Variants in PTK2 observed in about 807,000 individuals in gnomAD.
The protein encoded by PTK2 is protein tyrosine kinase 2.
Under a neutral mutation model 150.1 loss-of-function variants are expected in PTK2, and 45 were observed. The ratio of observed to expected loss-of-function variants is 0.30; its 90% CI spans 0.24 to 0.38. The LOEUF is 0.38. PTK2 is among the 10% of genes least tolerant of loss of function. The pLI, the probability that PTK2 is intolerant of heterozygous loss-of-function variation, is 1.00. For missense variants in PTK2, 919 were observed against 1,307.3 expected (o/e 0.70, Z 4.58); for synonymous variants, 432 against 449.2 (o/e 0.96, Z 0.48).
chr8:140,949,012 G>C (rs2154609042), intron 1 of PTK2, among the ~76,000 whole-genome samples: 1 of 151,644 alleles, frequency 6.6e-6, no homozygotes, highest in African/African-American at 2.4e-5. Context: ...ACCCGAGACA[G>C]CAAGACCAAC....
chr8:140,785,825 T>C (rs147981609), intron 14 of PTK2, among the ~76,000 whole-genome samples: 3 of 152,346 alleles, frequency 2.0e-5, no homozygotes, highest in African/African-American at 7.2e-5. Flanking sequence ...AATGGAGAGA[T>C]AATAAATACC....
intron 7 of PTK2, among the ~76,000 whole-genome samples, chr8:140,836,300 A>G (rs1016014903): frequency 3.3e-5 from 5 of 152,144 alleles, no homozygotes; most frequent in African/African-American, 1.2e-4. Context: ...TGTTAAGTGA[A>G]GACTTACTGT....
Position 140,697,028 on chromosome 8 carries a change from G to GGAGGCT in PTK2, c.2499+3857_2499+3862dup, listed in dbSNP as rs539315861. 4.0e-3 allele frequency among the ~76,000 whole-genome samples: 604 copies of GGAGGCT among 151,428 alleles called. 5 individuals carry two copies. The highest frequency in any genetic ancestry group is 0.014 in the African/African-American group (582 of 41,310). ...GCGTGACTGTAGTCCCAGCTACTTGGGAGGCTGAGGTGGGAGGACAGATTG... is the reference window on the plus strand; with the variant it reads ...GCGTGACTGTAGTCCCAGCTACTTGGGAGGCTGAGGCTGAGGTGGGAGGACAGATTG... On this transcript the variant is annotated intron_variant, in intron 26 of 31. Coordinates refer to ENST00000522684, the Ensembl canonical transcript of PTK2.
chr8:140,725,566 A>G (rs1239252095), intron 22 of PTK2, among the ~76,000 whole-genome samples: 1 of 152,216 alleles, frequency 6.6e-6, no homozygotes, highest in Non-Finnish European at 1.5e-5. Context: ...ATGAGTTTGG[A>G]GCAATTATAG....
At chr8:140,852,056 T>A (rs2100129616) in intron 5 of PTK2, among the ~76,000 whole-genome samples, 1 of 152,132 alleles carries the variant, frequency 6.6e-6, no homozygotes, top group Non-Finnish European at 1.5e-5. Context: ...TTTCATGACA[T>A]CTTCTAATAA....
intron 2 of PTK2, among the ~76,000 whole-genome samples, chr8:140,923,482 C>A (rs2100168296): frequency 6.6e-6 from 1 of 152,188 alleles, no homozygotes; most frequent in South Asian, 2.1e-4. Flanking sequence ...CAAAATGAGG[C>A]AAGTACTGGC....
At chr8:140,991,509 A>G (rs2100195683) in intron 1 of PTK2, among the ~76,000 whole-genome samples, 1 of 152,248 alleles carries the variant, frequency 6.6e-6, no homozygotes, top group African/African-American at 2.4e-5. Context: ...GATCTTTCCA[A>G]GATTTTGAAA....
chr8:140,861,966 C>T (rs927750975), intron 5 of PTK2, among the ~76,000 whole-genome samples: 1 of 152,108 alleles, frequency 6.6e-6, no homozygotes, highest in African/African-American at 2.4e-5. Context: ...ATAAAGACCG[C>T]TGAACTGAAT....
chr8:140,695,204 G>T (rs377149410), intron 26 of PTK2, among the ~76,000 whole-genome samples: 1 of 152,022 alleles, frequency 6.6e-6, no homozygotes, highest in Non-Finnish European at 1.5e-5. Context: ...TTCCTGTCCC[G>T]GATTCTTCCT....
chr8:140,853,394 A>G (rs1025819846), intron 5 of PTK2, among the ~76,000 whole-genome samples: 1 of 124,852 alleles, frequency 8.0e-6, no homozygotes, highest in African/African-American at 3.1e-5. Flanking sequence ...CCTGTGTCCA[A>G]GTGTTCTCAT....
intron 16 of PTK2, among the ~76,000 whole-genome samples, chr8:140,754,887 G>C (rs893604017): frequency 6.6e-6 from 1 of 152,180 alleles, no homozygotes; most frequent in Middle Eastern, 3.2e-3. Flanking sequence ...ACCAGAACGT[G>C]TGCAAAGGGT....
intron 14 of PTK2, among the ~76,000 whole-genome samples, chr8:140,767,709 CT>C (rs1478338581): frequency 6.6e-6 from 1 of 152,210 alleles, no homozygotes; most frequent in African/African-American, 2.4e-5. Context: ...TGGTCTCAAA[CT>C]CCTGGACTCA....
exon 32 of PTK2, chr8:140,659,442 G>C (rs2076206491): frequency 6.3e-7 from 1 of 1,586,272 alleles, no homozygotes; most frequent in Admixed American, 1.7e-5. Context: ...AAAGAGGGTA[G>C]CAAGACGTGC....
At chr8:140,951,677 G>A (rs1384284850) in intron 1 of PTK2, among the ~76,000 whole-genome samples, 1 of 152,150 alleles carries the variant, frequency 6.6e-6, no homozygotes, top group Non-Finnish European at 1.5e-5. Context: ...GAAGCCAGGA[G>A]TTTGAGACCA....
chr8:140,915,733 T>TA (rs544451987), intron 2 of PTK2, among the ~76,000 whole-genome samples: 48 of 147,494 alleles, frequency 3.3e-4, no homozygotes, highest in South Asian at 1.3e-3. Context: ...CCGTCTCTAC[T>TA]AAAAAAAAAA....
intron 1 of PTK2, among the ~76,000 whole-genome samples, chr8:140,980,413 G>A (rs1158447779): frequency 6.6e-6 from 1 of 152,116 alleles, no homozygotes; most frequent in African/African-American, 2.4e-5. Flanking sequence ...ACGAGGTCAG[G>A]AGATCGAGAC....
intron 3 of PTK2, among the ~76,000 whole-genome samples, chr8:140,883,079 C>T (rs2100150125): frequency 6.6e-6 from 1 of 152,104 alleles, no homozygotes; most frequent in Non-Finnish European, 1.5e-5. Flanking sequence ...TATTATTTTG[C>T]TTGGTTCCAT....
At chr8:140,974,898 T>C (rs990230567) in intron 1 of PTK2, among the ~76,000 whole-genome samples, 3 of 152,158 alleles carry the variant, frequency 2.0e-5, no homozygotes, top group Non-Finnish European at 4.4e-5. Context: ...AAGATCTTCA[T>C]GAACTCATCA....
chr8:140,794,525 G>A (rs1262432040), intron 12 of PTK2, among the ~76,000 whole-genome samples: 3 of 151,578 alleles, frequency 2.0e-5, no homozygotes, highest in Non-Finnish European at 2.9e-5. Flanking sequence ...AATACTTTTT[G>A]AACATCTCCA....
Sources: gnomAD v4.1 joint callset for allele counts (sites outside exome capture counted in the v4.1 genomes callset) on GRCh38, gnomAD v4.1.1 for gene constraint, MANE v1.5 for transcripts, NCBI Gene and HGNC (gene_info 2026-07-23, HGNC 2026-07-21) for gene names.